Variants in NAV1 observed in about 807,000 individuals in gnomAD.
The protein encoded by NAV1 is pore membrane and/or filament interacting like protein 3.
Under a neutral mutation model 175.2 loss-of-function variants are expected in NAV1, and 18 were observed. The ratio of observed to expected loss-of-function variants is 0.10; its 90% confidence interval spans 0.07 to 0.15. NAV1 has a LOEUF of 0.15. NAV1 is among the 10% of genes least tolerant of loss of function. The pLI, the probability that NAV1 is intolerant of heterozygous loss-of-function variation, is 1.00. For missense variants in NAV1, 1,731 were observed against 2,436.6 expected (o/e 0.71, Z 6.10); for synonymous variants, 897 against 978.7 (o/e 0.92, Z 1.56).
chr1:201,602,711 G>A (rs960016412), intron 2 of NAV1, among the ~76,000 whole-genome samples: 1 of 149,678 alleles, frequency 6.7e-6, no homozygotes, highest in African/African-American at 2.5e-5. Flanking sequence ...TCAGCCTTGG[G>A]CCACAGAGCC....
chr1:201,560,960 G>T (rs1449210647), intron 1 of NAV1, among the ~76,000 whole-genome samples: 2 of 152,250 alleles, frequency 1.3e-5, no homozygotes, highest in African/African-American at 2.4e-5. Flanking sequence ...ACCACCACAG[G>T]CTTTCCAGTG....
At chr1:201,642,074 TCCTCCCTC>T (rs756574975) in intron 2 of NAV1, among the ~76,000 whole-genome samples, 1 of 145,652 alleles carries the variant, frequency 6.9e-6, no homozygotes, top group Non-Finnish European at 1.5e-5. Flanking sequence ...TTTTTTTCCT[TCCTCCCTC>T]CCTCCCTCCT....
chr1:201,691,702 C>T (rs367853532), intron 1 of NAV1, among the ~76,000 whole-genome samples: 2 of 152,184 alleles, frequency 1.3e-5, no homozygotes, highest in African/African-American at 2.4e-5. Flanking sequence ...GCCGTGGAAT[C>T]GCCTTTTCTG....
chr1:201,548,519 C>T (rs1178473956), intron 1 of NAV1, among the ~76,000 whole-genome samples: 5 of 152,062 alleles, frequency 3.3e-5, no homozygotes, highest in East Asian at 3.9e-4. Flanking sequence ...TATGATTGCA[C>T]GACTGCACTC....
rs377095669 is a variant in NAV1 at position 201,623,261 on chromosome 1, C to T, written c.-446C>T. ...GGAAGAATTGGCGAGAGACAAGGCA[C>T]CCAGGGAAAGAAGAAAAAAGCCCAG... On this transcript the variant is annotated 5_prime_UTR_variant, in exon 1 of 30. Coordinates refer to the NAV1 transcript ENST00000367302. 16 of 985,918 alleles carry T rather than the reference C, an allele frequency of 1.6e-5. No homozygotes were observed. In the African/African-American group the frequency reaches 2.3e-4, roughly 14 times the overall value. The allele number at this position is 985,918 out of a possible 1,614,324, so 61.1% of individuals were successfully genotyped here. A position where few individuals can be genotyped will look rare whatever the true frequency, so the allele number is the denominator to read the frequency against.
At chr1:201,620,712 G>A (rs188964188), upstream of NAV1, among the ~76,000 whole-genome samples, 114 of 151,812 alleles carry the variant, frequency 7.5e-4, no homozygotes, top group African/African-American at 2.5e-3. Flanking sequence ...CAGTTGATCC[G>A]CCTGCCTCAG....
intron 1 of NAV1, among the ~76,000 whole-genome samples, chr1:201,705,631 G>A (rs1266345657): frequency 6.6e-6 from 1 of 152,134 alleles, no homozygotes; most frequent in Non-Finnish European, 1.5e-5. Context: ...ACTTAAGTGG[G>A]GGAACGAGGG....
At chr1:201,573,289 A>G (rs1333916687) in intron 1 of NAV1, among the ~76,000 whole-genome samples, 1 of 152,002 alleles carries the variant, frequency 6.6e-6, no homozygotes, top group Non-Finnish European at 1.5e-5. Flanking sequence ...TGCTAAGTCC[A>G]GATAATGTTT....
chr1:201,748,806 T>A (rs1344387798), intron 3 of NAV1, among the ~76,000 whole-genome samples: 1 of 152,142 alleles, frequency 6.6e-6, no homozygotes, highest in African/African-American at 2.4e-5. Flanking sequence ...AGTAGTCTGC[T>A]CAGGTAAGGC....
chr1:201,623,447 C>A, exon 1 of NAV1: 10 of 985,984 alleles, frequency 1.0e-5, no homozygotes, highest in Non-Finnish European at 9.6e-6. Flanking sequence ...ACCCCCAGGT[C>A]TTTGGAGCCT....
At chr1:201,580,909 A>C (rs1160494989) in intron 1 of NAV1, among the ~76,000 whole-genome samples, 2 of 152,088 alleles carry the variant, frequency 1.3e-5, no homozygotes, top group Admixed American at 1.3e-4. Flanking sequence ...TTGAAAGATA[A>C]ATGGATTTCT....
chr1:201,728,206 C>G (rs1672690035), intron 3 of NAV1, among the ~76,000 whole-genome samples: 1 of 152,056 alleles, frequency 6.6e-6, no homozygotes, highest in African/African-American at 2.4e-5. Context: ...GTGGCAGCCT[C>G]TACCTCCTAG....
intron 1 of NAV1, among the ~76,000 whole-genome samples, chr1:201,659,798 C>G (rs1037266653): frequency 3.3e-5 from 5 of 152,160 alleles, no homozygotes; most frequent in African/African-American, 1.2e-4. Flanking sequence ...CAGCCGGCTG[C>G]GCTGGGGTAG....
rs1674063512 is a variant in NAV1 at position 201,750,927 on chromosome 1, A to T, written c.1227-29494A>T. Among the ~76,000 whole-genome samples the T allele has an allele frequency of 6.6e-6, 1 of 152,194 alleles. No homozygotes were observed. Among genetic ancestry groups the T allele is most frequent in the Admixed American group, 6.5e-5 (1 of 15,286 alleles). On this transcript the variant is annotated intron_variant, in intron 3 of 29. Coordinates refer to ENST00000367296, the Ensembl canonical transcript of NAV1. The surrounding 1 kb of genome is among the most constrained non-coding windows in gnomAD (Gnocchi z 4.1). ...TTATTTCTGTCTATTGCCTGAAGGC[A>T]TCTCCTCTAGAAACAAAACCAGTTT...
chr1:201,617,879 TG>T (rs1164956558), intron 2 of NAV1, among the ~76,000 whole-genome samples: 1 of 152,198 alleles, frequency 6.6e-6, no homozygotes, highest in Non-Finnish European at 1.5e-5. Flanking sequence ...AGACAGAATA[TG>T]AGGCAGTAGA....
In NAV1 at chr1:201,811,762, G is replaced by GT; in HGVS notation, c.4952+6dup. The GT allele has an allele frequency of 6.2e-7, 1 of 1,603,638 alleles. No homozygotes were observed. The highest frequency in any genetic ancestry group is 1.7e-5 in the Admixed American group (1 of 59,284). On this transcript the variant is annotated splice_donor_region_variant and intron_variant, in intron 25 of 29. Transcript: ENST00000367296. ...CACCTGCAAGTATCATAAATGGTAA[G>GT]TAAGCTGGGATCAAGACAAAATTCA...
Position 201,649,076 on chromosome 1 carries a change from C to G in NAV1, c.408C>G (p.Ser136=), listed in dbSNP as rs773641361. ...AGGGCCGTGAAGCTCCGCTGATGTC[C>G]AAGACGCTGTCCAAGTCGGAGCACT... The change falls in exon 1 of 30, where the codon TCC becomes TCG. Residue 136 remains serine, a synonymous_variant. Coordinates refer to ENST00000367296, the Ensembl canonical transcript of NAV1. The G allele has an allele frequency of 1.9e-6, 3 of 1,613,258 alleles. No homozygotes were observed. The Admixed American group carries it at 5.0e-5, about 27-fold the overall frequency.
At chr1:201,683,107 TTAGGCCCCTC>T (rs1296232204) in intron 1 of NAV1, among the ~76,000 whole-genome samples, 1 of 152,234 alleles carries the variant, frequency 6.6e-6, no homozygotes, top group African/African-American at 2.4e-5. Flanking sequence ...TCAGATTTCC[TTAGGCCCCTC>T]TAGGCTGTGA....
At chr1:201,729,089 C>T (rs1344909919) in intron 3 of NAV1, among the ~76,000 whole-genome samples, 1 of 152,190 alleles carries the variant, frequency 6.6e-6, no homozygotes, top group East Asian at 1.9e-4. Flanking sequence ...CAGCTCTGCC[C>T]ACCTGTCTAC....
Sources: allele counts gnomAD v4.1 joint callset (sites outside exome capture counted in the v4.1 genomes callset), GRCh38; gene constraint gnomAD v4.1.1; non-coding constraint Gnocchi (gnomAD v3.1); transcripts MANE v1.5; gene names NCBI Gene and HGNC (gene_info 2026-07-23, HGNC 2026-07-21).